Variants in SYT2 observed in about 807,000 individuals in gnomAD.
SYT2 encodes the protein synaptotagmin 2.
SYT2 carries 15 observed loss-of-function variants against 39.9 expected under a neutral mutation model. The observed-to-expected ratio is 0.38, with a 90% confidence interval of 0.25 to 0.58. The LOEUF (loss-of-function observed/expected upper bound fraction) is 0.58, where lower values mean the gene tolerates loss of function less well. SYT2 is among the 20% of genes least tolerant of loss of function. SYT2 has a pLI of 0.70. For missense variants in SYT2, 389 were observed against 530.3 expected, an observed-to-expected ratio of 0.73 and a Z score of 2.62; for synonymous variants, 181 against 204.5, an observed-to-expected ratio of 0.89 and a Z score of 0.98.
In SYT2 at chr1:202,626,397, G is replaced by GTTTTT. The variant is rs1558437010; in HGVS notation, c.-17-20609_-17-20608insAAAAA. 1.3e-3 allele frequency among the ~76,000 whole-genome samples: 136 copies of GTTTTT among 102,386 alleles called. 2 individuals carry two copies. The East Asian group carries it at 0.014, about 11-fold the overall frequency. 67.2% of individuals were successfully genotyped at this position (102,386 alleles called of 152,430 possible). Reference sequence around the variant, plus strand: ...TTGCATCTCCCAAGACAGCCTCTCAGCTTTTTTTTTTTTTTTTTTTTTTTT... The same window carrying GTTTTT: ...TTGCATCTCCCAAGACAGCCTCTCAGTTTTTCTTTTTTTTTTTTTTTTTTTTTTTT... On this transcript the variant is annotated intron_variant, in intron 1 of 8. Coordinates refer to ENST00000367268, the MANE Select transcript of SYT2 (RefSeq NM_177402.5).
intron 1 of SYT2, among the ~76,000 whole-genome samples, chr1:202,688,014 T>C (rs987962233): frequency 8.5e-5 from 13 of 152,274 alleles, no homozygotes; most frequent in African/African-American, 3.1e-4. Flanking sequence ...TGGGCCTGTG[T>C]CATGCTGCAG....
At chr1:202,659,230 T>A (rs1692335816) in intron 1 of SYT2, among the ~76,000 whole-genome samples, 1 of 152,154 alleles carries the variant, frequency 6.6e-6, no homozygotes, top group African/African-American at 2.4e-5. Flanking sequence ...ACATGCTACC[T>A]CTGTCCGTGT....
chr1:202,639,399 A>G, intron 1 of SYT2: 2 of 572,448 alleles, frequency 3.5e-6, no homozygotes, highest in Non-Finnish European at 4.4e-6. Context: ...GAGGGTCTAC[A>G]AGGGCTGGCA....
chr1:202,602,937 T>G (rs1312792386), intron 4 of SYT2, 62 bp downstream of exon 4: 4 of 1,575,246 alleles, frequency 2.5e-6, no homozygotes, highest in South Asian at 1.1e-5. Context: ...TCTATCCCCC[T>G]TCCACCCAAC....
chr1:202,637,049 G>A (rs676154), intron 1 of SYT2, among the ~76,000 whole-genome samples: 72,882 of 152,026 alleles, frequency 0.48, 20,865 homozygotes, highest in Non-Finnish European at 0.62. Context: ...GCTGGGCATG[G>A]TGGTTCACGC....
chr1:202,599,441 C>G lies in SYT2; in HGVS notation c.920-90G>C, dbSNP rs1238867713. On this transcript the variant is annotated intron_variant, in intron 7 of 8. Transcript: ENST00000367268. The surrounding 1 kb of genome is among the most constrained non-coding windows in gnomAD (Gnocchi z 4.4). Reference sequence around the variant, plus strand: ...ACCAAGGCCTGCCCAGAGCATCGGTCAAGAGGGGGTCTTCACTCCGCTGAG... The same window carrying G: ...ACCAAGGCCTGCCCAGAGCATCGGTGAAGAGGGGGTCTTCACTCCGCTGAG... The G allele has an allele frequency of 7.1e-7, 1 of 1,416,974 alleles. No homozygotes were observed. Among genetic ancestry groups the G allele is most frequent in the Non-Finnish European group, 9.4e-7 (1 of 1,061,296 alleles). The allele number at this position is 1,416,974 out of a possible 1,614,324, so 87.8% of individuals were successfully genotyped here.
At chr1:202,618,345 A>G (rs1316254572) in intron 1 of SYT2, among the ~76,000 whole-genome samples, 3 of 152,110 alleles carry the variant, frequency 2.0e-5, no homozygotes, top group East Asian at 1.9e-4. Flanking sequence ...TCATCAGGCT[A>G]TATCCAGGGA....
intron 1 of SYT2, among the ~76,000 whole-genome samples, chr1:202,658,846 GAA>G (rs1215932417): frequency 6.6e-6 from 1 of 152,082 alleles, no homozygotes; most frequent in African/African-American, 2.4e-5. Flanking sequence ...TGCTCCTGGT[GAA>G]GTCAGGAGGT....
At chr1:202,627,773 C>T (rs1225343636) in intron 1 of SYT2, among the ~76,000 whole-genome samples, 1 of 152,210 alleles carries the variant, frequency 6.6e-6, no homozygotes. Flanking sequence ...TCCTCCAAAT[C>T]CTATGTCAGG....
At chr1:202,708,977 T>C (rs4325195) in intron 1 of SYT2, among the ~76,000 whole-genome samples, 49,892 of 152,126 alleles carry the variant, frequency 0.33, 8,615 homozygotes, top group South Asian at 0.43. Context: ...ACAGATTGGA[T>C]GGAGGACAAT....
intron 1 of SYT2, among the ~76,000 whole-genome samples, chr1:202,658,634 C>T (rs1692321902): frequency 6.6e-6 from 1 of 151,652 alleles, no homozygotes; most frequent in Non-Finnish European, 1.5e-5. Flanking sequence ...CTGCACCAAT[C>T]TCAGAGGCAC....
chr1:202,707,731 G>A (rs950724391), intron 1 of SYT2, among the ~76,000 whole-genome samples: 2 of 152,334 alleles, frequency 1.3e-5, no homozygotes, highest in East Asian at 1.9e-4. Flanking sequence ...CAGGCCTGGC[G>A]GGGAAGAAAA....
chr1:202,600,427 C>T lies in SYT2; in HGVS notation c.849G>A (p.Thr283=), dbSNP rs907699. 0.017 allele frequency: 27,650 copies of T among 1,614,102 alleles called. 2,869 individuals are homozygous for T. The African/African-American group carries it at 0.27, about 16-fold the overall frequency. The change falls in exon 7 of 9, where the codon ACG becomes ACA. Residue 283 remains threonine, a synonymous_variant. Transcript: ENST00000367268. ...DICTSLRYVP[T]AGKLTVCILE... is the part of the protein sequence containing the mutation. ...GGATGCAGACAGTGAGCTTCCCGGC[C>T]GTGGGCACATAGCGCAGGGAGGTGC...
intron 1 of SYT2, among the ~76,000 whole-genome samples, chr1:202,625,724 G>T (rs930545082): frequency 1.3e-5 from 2 of 152,096 alleles, no homozygotes; most frequent in Non-Finnish European, 2.9e-5. Context: ...CCCAGTCAAC[G>T]CTCACACCCT....
intron 1 of SYT2, among the ~76,000 whole-genome samples, chr1:202,626,159 C>T (rs1483760723): frequency 2.0e-5 from 3 of 151,930 alleles, no homozygotes; most frequent in Non-Finnish European, 4.4e-5. Context: ...AGGCCCTGTA[C>T]GTGGGTAATG....
chr1:202,604,266 A>G, intron 3 of SYT2, 189 bp downstream of exon 3: 1 of 628,030 alleles, frequency 1.6e-6, no homozygotes. Flanking sequence ...TAACACAGGA[A>G]TAAGGCCCCC....
intron 1 of SYT2, among the ~76,000 whole-genome samples, chr1:202,666,185 A>C (rs1379955311): frequency 6.6e-6 from 1 of 151,084 alleles, no homozygotes; most frequent in East Asian, 1.9e-4. Flanking sequence ...AAAATAAGAT[A>C]GTTTTGTGAG....
At chr1:202,636,404 G>A (rs1276826908) in intron 1 of SYT2, 6 of 985,118 alleles carry the variant, frequency 6.1e-6, no homozygotes, top group African/African-American at 5.2e-5. Flanking sequence ...AGGCCAACCT[G>A]TGCATCCGCT....
chr1:202,628,474 G>A lies in SYT2; in HGVS notation c.-17-22685C>T, dbSNP rs1311185873. Among the ~76,000 whole-genome samples, 1 of 152,136 alleles carries A rather than the reference G, an allele frequency of 6.6e-6. No homozygotes were observed. Among genetic ancestry groups the A allele is most frequent in the African/African-American group, 2.4e-5 (1 of 41,420 alleles). ...CTTCCAGGTGCTGGCCAGGCCCCAG[G>A]GACAGAGACGTGCCCATCACTCTTC... is the stretch of plus-strand genomic sequence containing the variant. On this transcript the variant is annotated intron_variant, in intron 1 of 8. Transcript: ENST00000367268. This position sits in a 1 kb window ranked among gnomAD's most constrained non-coding sequence, Gnocchi z 4.2.
Sources: allele counts gnomAD v4.1 joint callset (sites outside exome capture counted in the v4.1 genomes callset), GRCh38; gene constraint gnomAD v4.1.1; non-coding constraint Gnocchi (gnomAD v3.1); transcripts MANE v1.5; gene names NCBI Gene and HGNC (gene_info 2026-07-23, HGNC 2026-07-21).